The following DST variants were observed in gnomAD, a reference collection of about 807,000 sequenced individuals.
The protein encoded by DST is bullous pemphigoid antigen.
In DST, 253 loss-of-function variants were observed where a neutral mutation model predicts 875.2. The observed-to-expected ratio is 0.29, with a 90% CI of 0.26 to 0.32. DST has a LOEUF of 0.32. Among genes scored for constraint, DST ranks in the 10% least tolerant of loss-of-function variants. The probability of loss-of-function intolerance (pLI) is 1.00; values close to 1 mark genes in which losing one functional copy is unlikely to be tolerated. For missense variants in DST, 8,287 were observed against 9,111.6 expected (o/e 0.91, Z 3.68); for synonymous variants, 3,124 against 3,197.1 (o/e 0.98, Z 0.77).
intron 4 of DST, among the ~76,000 whole-genome samples, chr6:56,824,374 CG>C (rs1433035273): frequency 6.6e-6 from 1 of 152,224 alleles, no homozygotes; most frequent in Non-Finnish European, 1.5e-5. Flanking sequence ...ACCTCCCAGC[CG>C]CCTGCCTTGG....
Position 56,739,860 on chromosome 6 carries a change from A to T in DST, c.626-4571T>A, listed in dbSNP as rs148501974. Among the ~76,000 whole-genome samples, 1,011 of 152,270 alleles carry T rather than the reference A, an allele frequency of 6.6e-3. 32 individuals carry two copies. In the East Asian group the frequency reaches 0.1, roughly 15 times the overall value. ...CCCTTGTTTAGCATATCATCAAGAAATAACCACAAAAATGAGCAACCAGCA... is the reference window on the plus strand; with the variant it reads ...CCCTTGTTTAGCATATCATCAAGAATTAACCACAAAAATGAGCAACCAGCA... On this transcript the variant is annotated intron_variant, in intron 4 of 103. Transcript: ENST00000680361.
At chr6:56,465,667 A>G (rs2094543040) in intron 99 of DST, among the ~76,000 whole-genome samples, 1 of 152,122 alleles carries the variant, frequency 6.6e-6, no homozygotes, top group Admixed American at 6.5e-5. Flanking sequence ...CATTTCATAA[A>G]AACTTTGACC....
chr6:56,545,036 A>T (rs59063378), intron 61 of DST, among the ~76,000 whole-genome samples: 1 of 152,204 alleles, frequency 6.6e-6, no homozygotes, highest in East Asian at 1.9e-4. Context: ...TTTCTGAGAC[A>T]GGGTCTTGCT....
intron 67 of DST, 132 bp downstream of exon 67, chr6:56,528,709 C>T: frequency 1.5e-6 from 1 of 665,936 alleles, no homozygotes; most frequent in Non-Finnish European, 2.6e-6. Flanking sequence ...GTCTTCAAAG[C>T]ATTCTCCAGA....
intron 3 of DST, among the ~76,000 whole-genome samples, chr6:56,887,514 G>A (rs1304041748): frequency 7.2e-5 from 11 of 152,128 alleles, no homozygotes; most frequent in Admixed American, 7.2e-4. Flanking sequence ...TAATAAACTA[G>A]ACCATCTTTG....
At position 56,632,977 on chromosome 6, in the gene DST, C is replaced by T; in HGVS notation, c.3682G>A (p.Glu1228Lys). The T allele has an allele frequency of 6.2e-7, 1 of 1,613,996 alleles. No individual in the cohort carries two copies. Among genetic ancestry groups the T allele is most frequent in the Non-Finnish European group, 8.5e-7 (1 of 1,179,972 alleles). The change falls in exon 28 of 104, where the codon GAA becomes AAA. Residue 1228 changes from glutamate to lysine, a missense_variant. Around this residue, in one of 10 missense-constraint regions of DST, gnomAD observed 3,138 missense variants for 3,116.6 expected, o/e 1.01. Coordinates refer to ENST00000680361, the MANE Select transcript of DST (RefSeq NM_001374736.1). ...QVLSNLQSRFEDFLEDSQESQ... is the reference protein window; with the variant it reads ...QVLSNLQSRFKDFLEDSQESQ... ...TCCTGGCTATCTTCCAGAAAATCTTCAAAACGAGATTGTAGATTACTTAGA... is the reference window on the plus strand; with the variant it reads ...TCCTGGCTATCTTCCAGAAAATCTTTAAAACGAGATTGTAGATTACTTAGA...
intron 4 of DST, among the ~76,000 whole-genome samples, chr6:56,811,414 A>C (rs2099759801): frequency 6.6e-6 from 1 of 152,130 alleles, no homozygotes; most frequent in Admixed American, 6.5e-5. Flanking sequence ...GAATGGAATG[A>C]AGTAAAACGT....
At chr6:56,620,446 G>A in intron 36 of DST, 1 of 1,614,164 alleles carries the variant, frequency 6.2e-7, no homozygotes. Context: ...GTTCCCTGCG[G>A]TACTGCTTGG....
intron 30 of DST, 129 bp from the exon 31 acceptor site, chr6:56,630,512 T>C (rs999723677): frequency 4.7e-6 from 4 of 843,162 alleles, no homozygotes; most frequent in African/African-American, 3.4e-5. Context: ...ACATTTACTA[T>C]GAAACTGACA....
chr6:56,763,693 ACACACAC>A lies in DST; in HGVS notation c.626-28411_626-28405del, dbSNP rs2099624228. The stretch of plus-strand genomic sequence containing the variant: ...AAAAAAAAAATACCTATACACACAC[ACACACAC>A]ACACACACACACACACACACACACA... On this transcript the variant is annotated intron_variant, in intron 4 of 103. Transcript: ENST00000680361. 2.7e-5 allele frequency among the ~76,000 whole-genome samples: 3 copies of A among 112,722 alleles called. No homozygotes were observed. The East Asian group carries it at 8.0e-4, about 30-fold the overall frequency. The allele number at this position is 112,722 out of a possible 152,430, so 74.0% of individuals were successfully genotyped here. A position where few individuals can be genotyped will look rare whatever the true frequency, so the allele number is the denominator to read the frequency against.
At chr6:56,795,777 T>C (rs2099738795) in intron 4 of DST, among the ~76,000 whole-genome samples, 1 of 152,024 alleles carries the variant, frequency 6.6e-6, no homozygotes, top group Admixed American at 6.6e-5. Flanking sequence ...GATCTTGAGA[T>C]TTTGTAATAG....
At chr6:56,917,518 C>T (rs1216109552) in intron 2 of DST, among the ~76,000 whole-genome samples, 1 of 152,154 alleles carries the variant, frequency 6.6e-6, no homozygotes, top group African/African-American at 2.4e-5. Flanking sequence ...GTATTGACTC[C>T]TTTTCCTAAG....
chr6:56,660,024 T>C (rs1305910871), intron 10 of DST, among the ~76,000 whole-genome samples: 2 of 152,176 alleles, frequency 1.3e-5, no homozygotes, highest in African/African-American at 4.8e-5. Context: ...GGCTTCAATT[T>C]TCTCTGAGAG....
intron 4 of DST, among the ~76,000 whole-genome samples, chr6:56,779,576 G>T (rs2099687574): frequency 6.6e-6 from 1 of 151,878 alleles, no homozygotes; most frequent in Non-Finnish European, 1.5e-5. Flanking sequence ...GTGTAAGGAA[G>T]GGATCCAGTT....
At chr6:56,878,663 T>C (rs1468795663) in intron 3 of DST, among the ~76,000 whole-genome samples, 1 of 152,076 alleles carries the variant, frequency 6.6e-6, no homozygotes, top group Non-Finnish European at 1.5e-5. Flanking sequence ...TGCCAGGTCA[T>C]AACTATAAGG....
At chr6:56,625,688 T>C (rs2098726658) in intron 34 of DST, among the ~76,000 whole-genome samples, 1 of 151,862 alleles carries the variant, frequency 6.6e-6, no homozygotes, top group South Asian at 2.1e-4. Context: ...TCTATATATT[T>C]ACCACACTAT....
chr6:56,745,518 C>T (rs938777481), intron 4 of DST, among the ~76,000 whole-genome samples: 4 of 151,960 alleles, frequency 2.6e-5, no homozygotes, highest in African/African-American at 9.7e-5. Flanking sequence ...ACAAATGGAA[C>T]CATTTAAAAA....
chr6:56,941,266 AT>A (rs1470179201), intron 2 of DST, among the ~76,000 whole-genome samples: 1 of 152,168 alleles, frequency 6.6e-6, no homozygotes, highest in Non-Finnish European at 1.5e-5. Context: ...AGTTTAAAAT[AT>A]TTTTAAATTT....
At chr6:56,464,376 A>C (rs1200647001) in intron 100 of DST, 3 of 394,544 alleles carry the variant, frequency 7.6e-6, no homozygotes, top group Non-Finnish European at 1.4e-5. Flanking sequence ...CACCAGACCC[A>C]AGGATCTGTG....
Sources: gnomAD v4.1 joint callset for allele counts (sites outside exome capture counted in the v4.1 genomes callset) on GRCh38, gnomAD v4.1.1 for gene constraint, gnomAD v4.1.1 regional missense constraint, MANE v1.5 for transcripts, NCBI Gene and HGNC (gene_info 2026-07-23, HGNC 2026-07-21) for gene names.